Variants in MACF1 observed in about 807,000 individuals in gnomAD.
The protein encoded by MACF1 is microtubule actin crosslinking factor 1.
In MACF1, 193 loss-of-function variants were observed where a neutral mutation model predicts 854.8. That is an observed-to-expected ratio of 0.23 (90% CI 0.20 to 0.25). The LOEUF (loss-of-function observed/expected upper bound fraction) is 0.25, where lower values mean the gene tolerates loss of function less well. Ranked by LOEUF, MACF1 falls within the 10% of genes least tolerant of loss-of-function variation. MACF1 has a pLI of 1.00. For missense variants in MACF1, 7,722 were observed against 8,929.1 expected (o/e 0.86, Z 5.45); for synonymous variants, 3,185 against 3,226.7 (o/e 0.99, Z 0.44).
At chr1:39,429,120 T>C (rs748296709) in intron 63 of MACF1, 122 bp from the exon 64 acceptor site, 4 of 569,990 alleles carry the variant, frequency 7.0e-6, no homozygotes, top group African/African-American at 1.9e-5. Flanking sequence ...GGATCAAATA[T>C]CTGATGTTTA....
rs566217355 is a variant in MACF1, at chr1:39,140,630, C to T, written c.220+56192C>T. ...AGCTTATAGGGCACTTAATAAGTGC[C>T]GGGCAACTGGGCACGGTGGCTCACG... On this transcript the variant is annotated intron_variant, in intron 2 of 93. Transcript: ENST00000361689. Among the ~76,000 whole-genome samples, 5 of 152,082 alleles carry T rather than the reference C, an allele frequency of 3.3e-5. No homozygotes were observed. In the South Asian group the frequency reaches 6.2e-4, roughly 19 times the overall value.
Position 39,340,685 on chromosome 1 carries a change from C to T in MACF1, c.10399C>T (p.Leu3467Phe). Reference protein sequence around the residue: ...SVSDTWNSRLLHFQNAVEIEK... With the variant: ...SVSDTWNSRLFHFQNAVEIEK... ...GAGTGACACTTGGAATTCCAGGCTACTCCACTTCCAGAATGCTGTGGAAAT... is the reference window on the plus strand; with the variant it reads ...GAGTGACACTTGGAATTCCAGGCTATTCCACTTCCAGAATGCTGTGGAAAT... Residue 3467 changes from leucine (L) to phenylalanine (F), a missense_variant, in exon 39 of 101, where the codon CTC (leucine) becomes TTC (phenylalanine). Around this residue, in one of 15 missense-constraint regions of MACF1, gnomAD observed 854 missense variants for 852.6 expected, o/e 1.00. Coordinates refer to ENST00000564288, the MANE Select transcript of MACF1 (RefSeq NM_001394062.1). 6.2e-7 allele frequency: 1 copy of T among 1,614,168 alleles called. No homozygotes were observed. The highest frequency in any genetic ancestry group is 8.5e-7 in the Non-Finnish European group (1 of 1,180,024).
At chr1:39,301,058 G>A (rs1646029835) in intron 22 of MACF1, among the ~76,000 whole-genome samples, 1 of 152,116 alleles carries the variant, frequency 6.6e-6, no homozygotes, top group African/African-American at 2.4e-5. Flanking sequence ...GGATTATTGT[G>A]TCAGCCTCCC....
Position 39,340,688 on chromosome 1 carries a change from C to T in MACF1, c.10402C>T (p.His3468Tyr), listed in dbSNP as rs1646916737. Residue 3468 changes from histidine to tyrosine, a missense_variant, in exon 39 of 101, where the codon CAC becomes TAC. By Grantham distance (83) the His-to-Tyr change is moderately conservative. Around this residue, in one of 15 missense-constraint regions of MACF1, gnomAD observed 854 missense variants for 852.6 expected, o/e 1.00. Transcript: ENST00000564288. ...TGACACTTGGAATTCCAGGCTACTC[C>T]ACTTCCAGAATGCTGTGGAAATAGA... ...VSDTWNSRLL[H>Y]FQNAVEIEKT... is the part of the protein sequence containing the mutation. 1 of 1,614,054 alleles carries T rather than the reference C, an allele frequency of 6.2e-7. No individual in the cohort carries two copies. The highest frequency in any genetic ancestry group is 1.7e-5 in the Admixed American group (1 of 60,000).
At chr1:39,181,420 T>C (rs567176244) in intron 2 of MACF1, among the ~76,000 whole-genome samples, 1 of 152,290 alleles carries the variant, frequency 6.6e-6, no homozygotes, top group African/African-American at 2.4e-5. Flanking sequence ...CCCAAACTGA[T>C]CTATAGATTC....
intron 6 of MACF1, among the ~76,000 whole-genome samples, chr1:39,267,237 T>C (rs1645243954): frequency 6.6e-6 from 1 of 152,216 alleles, no homozygotes; most frequent in African/African-American, 2.4e-5. Context: ...CTCAGTTTCT[T>C]TTTTCTTTTT....
At chr1:39,121,837 CTAAATCA>C (rs1642723640) in intron 2 of MACF1, among the ~76,000 whole-genome samples, 1 of 152,154 alleles carries the variant, frequency 6.6e-6, no homozygotes, top group Non-Finnish European at 1.5e-5. Context: ...CTTAAGGAAC[CTAAATCA>C]CTTCCCAGAG....
chr1:39,273,943 T>A (rs1317250599), intron 6 of MACF1, among the ~76,000 whole-genome samples: 1 of 152,230 alleles, frequency 6.6e-6, no homozygotes, highest in Admixed American at 6.5e-5. Flanking sequence ...AAAGAATCAT[T>A]ATTTTTTAGG....
chr1:39,418,544 A>G (rs955096660), intron 58 of MACF1, among the ~76,000 whole-genome samples: 1 of 152,228 alleles, frequency 6.6e-6, no homozygotes, highest in Non-Finnish European at 1.5e-5. Context: ...AACAGAAAAG[A>G]ATCAGTCAGG....
chr1:39,423,036 G>A (rs1235406845), intron 60 of MACF1, 136 bp downstream of exon 60: 7 of 736,422 alleles, frequency 9.5e-6, no homozygotes, highest in Non-Finnish European at 1.5e-5. Context: ...GAAAAGAAAG[G>A]TGGAAATTGA....
intron 2 of MACF1, among the ~76,000 whole-genome samples, chr1:39,249,325 C>G (rs1428945656): frequency 6.6e-6 from 1 of 152,118 alleles, no homozygotes; most frequent in Non-Finnish European, 1.5e-5. Flanking sequence ...GGGCAATTTA[C>G]TTAACCTCTT....
At chr1:39,381,560 G>C (rs905788139) in intron 55 of MACF1, among the ~76,000 whole-genome samples, 3 of 151,868 alleles carry the variant, frequency 2.0e-5, no homozygotes, top group Admixed American at 6.6e-5. Context: ...GTAAAGATAG[G>C]GTCTTGCTTT....
chr1:39,310,296 G>C lies in MACF1; in HGVS notation c.2968G>C (p.Ala990Pro). Reference protein sequence around the residue: ...ECHQIMKNLQAHYEDFLQDSR... With the variant: ...ECHQIMKNLQPHYEDFLQDSR... Reference sequence around the variant, plus strand: ...CCATCAGATTATGAAGAACCTTCAGGCCCACTATGAAGACTTTCTGCAGGA... The same window carrying C: ...CCATCAGATTATGAAGAACCTTCAGCCCCACTATGAAGACTTTCTGCAGGA... Residue 990 changes from alanine (A) to proline (P), a missense_variant, in exon 25 of 101, where the codon GCC becomes CCC. Ala to Pro is a conservative substitution (Grantham distance 27). This residue lies in a region of MACF1 where 1,137 missense variants were observed against 1,263.0 expected (regional missense o/e 0.90). Coordinates refer to ENST00000564288, the MANE Select transcript of MACF1 (RefSeq NM_001394062.1). 1 of 1,614,024 alleles carries C rather than the reference G, an allele frequency of 6.2e-7. No individual in the cohort carries two copies. The highest frequency in any genetic ancestry group is 8.5e-7 in the Non-Finnish European group (1 of 1,179,984).
chr1:39,249,529 A>C (rs924290031), intron 2 of MACF1, among the ~76,000 whole-genome samples: 2 of 152,200 alleles, frequency 1.3e-5, no homozygotes, highest in Admixed American at 6.5e-5. Flanking sequence ...ATTATTCTGA[A>C]ATTCGCTATT....
chr1:39,130,470 A>ATAAATCC (rs1642972323), intron 2 of MACF1, among the ~76,000 whole-genome samples: 1 of 152,218 alleles, frequency 6.6e-6, no homozygotes, highest in East Asian at 1.9e-4. Context: ...CTGTTTTCAG[A>ATAAATCC]TAAATCCTCC....
intron 2 of MACF1, among the ~76,000 whole-genome samples, chr1:39,152,857 T>A (rs1453644811): frequency 2.0e-5 from 3 of 148,906 alleles, no homozygotes; most frequent in Non-Finnish European, 3.0e-5. Flanking sequence ...TTAAACAAAT[T>A]AAAAAAAAAA....
Position 39,283,804 on chromosome 1 carries a change from A to G in MACF1, c.916-262A>G, listed in dbSNP as rs918485086. On this transcript the variant is annotated intron_variant, in intron 9 of 100. Transcript: ENST00000564288. This position sits in a 1 kb window ranked among gnomAD's most constrained non-coding sequence, Gnocchi z 4.5. The stretch of plus-strand genomic sequence containing the variant: ...GTGTTTTATCAGTCACTTATGTATC[A>G]GCTTGATTAGGTAGATCATGGCTCT... Among the ~76,000 whole-genome samples, 6 of 152,288 alleles carry G rather than the reference A, an allele frequency of 3.9e-5. No homozygotes were observed. Among genetic ancestry groups the G allele is most frequent in the Non-Finnish European group, 8.8e-5 (6 of 68,028 alleles).
chr1:39,364,532 G>A (rs1051212756), intron 49 of MACF1, among the ~76,000 whole-genome samples: 9 of 149,926 alleles, frequency 6.0e-5, no homozygotes, highest in South Asian at 2.1e-4. Flanking sequence ...TCGCTCTGTC[G>A]CCCAGGCTGG....
chr1:39,135,005 C>T (rs1643128769), intron 2 of MACF1, among the ~76,000 whole-genome samples: 1 of 152,180 alleles, frequency 6.6e-6, no homozygotes, highest in Non-Finnish European at 1.5e-5. Context: ...CATTTGACTA[C>T]TCTATGTACT....
Sources: gnomAD v4.1 joint callset for allele counts (sites outside exome capture counted in the v4.1 genomes callset) on GRCh38, gnomAD v4.1.1 for gene constraint, gnomAD v4.1.1 regional missense constraint, Gnocchi (gnomAD v3.1) non-coding constraint, MANE v1.5 for transcripts, NCBI Gene and HGNC (gene_info 2026-07-23, HGNC 2026-07-21) for gene names.